The following CAPN8 variants were observed in gnomAD, a reference collection of about 807,000 sequenced individuals.
CAPN8 encodes the protein calpain-8.
A neutral mutation model predicts 80.9 loss-of-function variants in CAPN8; 87 were observed. The ratio of observed to expected loss-of-function variants is 1.07; its 90% CI spans 0.90 to 1.28. CAPN8 has a LOEUF of 1.28. Ranked by LOEUF, CAPN8 falls within the 50% of genes most tolerant of loss-of-function variation. The pLI is 0.00. For synonymous variants in CAPN8, 299 were observed against 273.8 expected (o/e 1.09, Z -0.91); for missense variants, 757 against 702.0 (o/e 1.08, Z -0.89).
Position 223,549,366 on chromosome 1 carries a change from G to C in CAPN8, c.1716C>G (p.Phe572Leu). Residue 572 changes from phenylalanine (F) to leucine (L), a missense_variant, in exon 16 of 21, where the codon TTC becomes TTG. Physicochemically the swap from Phe to Leu is conservative, Grantham distance 22. Coordinates refer to ENST00000366872, the MANE Select transcript of CAPN8 (RefSeq NM_001143962.2). ...EAFSKRTDIK[F>L]DGFNINTCRE... ...TGCAAGTGTTGATGTTGAATCCATC[G>C]AATTTTATGTCTGTTCCTAAAGATT... The C allele has an allele frequency of 2.6e-6, 4 of 1,551,728 alleles. No homozygotes were observed. Among genetic ancestry groups the C allele is most frequent in the Non-Finnish European group, 3.5e-6 (4 of 1,146,994 alleles).
intron 2 of CAPN8, among the ~76,000 whole-genome samples, chr1:223,637,407 T>C (rs1320911656): frequency 6.6e-6 from 1 of 152,136 alleles, no homozygotes; most frequent in Non-Finnish European, 1.5e-5. Flanking sequence ...GCATCCTCAG[T>C]ACTCCTGTTT....
At chr1:223,554,313 T>C (rs1027497560) in intron 13 of CAPN8, among the ~76,000 whole-genome samples, 4 of 152,138 alleles carry the variant, frequency 2.6e-5, no homozygotes, top group East Asian at 1.9e-4. Flanking sequence ...CGTGAAAACA[T>C]GGGGTCATAT....
At chr1:223,643,821 TG>T (rs1446175637) in intron 2 of CAPN8, among the ~76,000 whole-genome samples, 1 of 152,064 alleles carries the variant, frequency 6.6e-6, no homozygotes, top group Non-Finnish European at 1.5e-5. Flanking sequence ...TCAGGCCCGG[TG>T]GGGGCTTGAT....
intron 1 of CAPN8, among the ~76,000 whole-genome samples, chr1:223,663,614 A>G (rs1658708672): frequency 6.6e-6 from 1 of 152,194 alleles, no homozygotes; most frequent in East Asian, 1.9e-4. Flanking sequence ...ATGGAAGCTC[A>G]AAAAAACTGT....
intron 15 of CAPN8, 75 bp downstream of exon 15, chr1:223,550,885 T>C (rs541695102): frequency 1.0e-5 from 7 of 693,568 alleles, no homozygotes; most frequent in South Asian, 7.9e-5. Context: ...GCCAGCCCAA[T>C]GCCTGCCTAC....
At chr1:223,628,863 C>T in intron 2 of CAPN8, 83 bp from the exon 3 acceptor site, 1 of 1,138,628 alleles carries the variant, frequency 8.8e-7, no homozygotes, top group Non-Finnish European at 1.3e-6. Context: ...CCATTCAACC[C>T]AGAGTCCACG....
chr1:223,647,220 T>A (rs1571733738), intron 2 of CAPN8, among the ~76,000 whole-genome samples: 1 of 152,286 alleles, frequency 6.6e-6, no homozygotes, highest in Non-Finnish European at 1.5e-5. Flanking sequence ...TCTTAACCTT[T>A]CCTGTGCATT....
At chr1:223,614,800 C>T (rs1334070493) in intron 10 of CAPN8, among the ~76,000 whole-genome samples, 4 of 152,184 alleles carry the variant, frequency 2.6e-5, no homozygotes, top group South Asian at 2.1e-4. Context: ...TGAATTGATG[C>T]GCATACACTA....
intron 11 of CAPN8, 47 bp from the exon 12 acceptor site, chr1:223,609,411 G>T (rs1194116252): frequency 1.8e-5 from 7 of 398,578 alleles, no homozygotes; most frequent in South Asian, 2.6e-4. Context: ...AATCCTGGAA[G>T]ATGAGAGCCC....
At chr1:223,643,453 T>C (rs1368459430) in intron 2 of CAPN8, among the ~76,000 whole-genome samples, 1 of 152,194 alleles carries the variant, frequency 6.6e-6, no homozygotes, top group Non-Finnish European at 1.5e-5. Context: ...ACTCAAATGT[T>C]AAAATGCCAA....
intron 1 of CAPN8, among the ~76,000 whole-genome samples, chr1:223,660,015 T>C (rs1311161464): frequency 1.3e-5 from 2 of 152,142 alleles, no homozygotes. Flanking sequence ...CAATAAATCA[T>C]GGCTAAACTG....
At chr1:223,544,695 A>G (rs1301166445) in intron 18 of CAPN8, 77 bp downstream of exon 18, 1 of 1,532,158 alleles carries the variant, frequency 6.5e-7, no homozygotes, top group Non-Finnish European at 8.8e-7. Flanking sequence ...GATCATTAGC[A>G]ATCATCATCA....
chr1:223,663,065 A>G (rs1009508419), intron 1 of CAPN8, among the ~76,000 whole-genome samples: 1 of 152,216 alleles, frequency 6.6e-6, no homozygotes, highest in Non-Finnish European at 1.5e-5. Context: ...TGAAAACTCC[A>G]AATAGGAGTC....
At chr1:223,624,127 G>A (rs1344297869) in intron 6 of CAPN8, among the ~76,000 whole-genome samples, 1 of 152,054 alleles carries the variant, frequency 6.6e-6, no homozygotes, top group African/African-American at 2.4e-5. Context: ...ACCTAGGCAG[G>A]AGTGAAGTGG....
intron 5 of CAPN8, among the ~76,000 whole-genome samples, chr1:223,626,350 CAG>C (rs1191753641): frequency 1.3e-5 from 2 of 151,982 alleles, no homozygotes; most frequent in African/African-American, 4.8e-5. Context: ...CTGGGGTTTG[CAG>C]AGAGAGGAAA....
chr1:223,632,618 C>T lies in CAPN8; in HGVS notation c.308-3838G>A, dbSNP rs539130973. 4.6e-5 allele frequency among the ~76,000 whole-genome samples: 7 copies of T among 152,290 alleles called. No individual in the cohort carries two copies. In the South Asian group the frequency reaches 1.5e-3, roughly 32 times the overall value. ...CTCCTGGCCTCAAGCAATCCTCCCA[C>T]CTTGGCCTCTCTAAGTGCTGGGATT... On this transcript the variant is annotated intron_variant, in intron 2 of 20. Transcript: ENST00000366872.
intron 1 of CAPN8, among the ~76,000 whole-genome samples, chr1:223,659,125 C>T (rs1341110756): frequency 6.6e-6 from 1 of 152,200 alleles, no homozygotes; most frequent in Non-Finnish European, 1.5e-5. Flanking sequence ...CTAGGATCAG[C>T]CTCTGATGAC....
intron 7 of CAPN8, among the ~76,000 whole-genome samples, chr1:223,622,265 C>A (rs1456115016): frequency 6.6e-6 from 1 of 152,196 alleles, no homozygotes; most frequent in African/African-American, 2.4e-5. Flanking sequence ...CTCTGACTGA[C>A]TTTCCCTCAT....
chr1:223,546,463 C>G (rs957491762), intron 16 of CAPN8, among the ~76,000 whole-genome samples: 1 of 152,184 alleles, frequency 6.6e-6, no homozygotes, highest in South Asian at 2.1e-4. Flanking sequence ...TCCTGTAAGC[C>G]TCATACTTTA....
Sources: allele counts gnomAD v4.1 joint callset (sites outside exome capture counted in the v4.1 genomes callset), GRCh38; gene constraint gnomAD v4.1.1; transcripts MANE v1.5; gene names NCBI Gene and HGNC (gene_info 2026-07-23, HGNC 2026-07-21).